The following RBFOX1 variants were observed in gnomAD, a reference collection of about 807,000 sequenced individuals.
RBFOX1 encodes RNA binding fox-1 homolog 1.
In RBFOX1, 8 loss-of-function variants were observed where a neutral mutation model predicts 57.7. The observed-to-expected ratio is 0.14, with a 90% CI of 0.08 to 0.25. The LOEUF (loss-of-function observed/expected upper bound fraction) is 0.25. RBFOX1 is among the 10% of genes least tolerant of loss of function. The pLI, the probability that RBFOX1 is intolerant of heterozygous loss-of-function variation, is 1.00. For missense variants in RBFOX1, 611 were observed against 548.5 expected (o/e 1.11, Z -1.14); for synonymous variants, 326 against 222.4 (o/e 1.47, Z -4.15).
At chr16:6,193,961 A>G (rs1003417208) in intron 1 of RBFOX1, among the ~76,000 whole-genome samples, 1 of 152,002 alleles carries the variant, frequency 6.6e-6, no homozygotes, top group African/African-American at 2.4e-5. Context: ...TTGGCTTTCC[A>G]TTGTGTTTTC....
At position 5,883,585 on chromosome 16, in the gene RBFOX1, C is replaced by G. The variant is rs74004675; in HGVS notation, c.351+16250C>G. On this transcript the variant is annotated intron_variant, in intron 4 of 19. Transcript: ENST00000641259. Reference sequence around the variant, plus strand: ...GAGTGAGGAATTTGAACACACATGTCTCTCTGCTTTTGGATTTTGAAGGCT... The same window carrying G: ...GAGTGAGGAATTTGAACACACATGTGTCTCTGCTTTTGGATTTTGAAGGCT... 6.5e-3 allele frequency among the ~76,000 whole-genome samples: 984 copies of G among 152,228 alleles called. 18 individuals carry two copies. Among genetic ancestry groups the G allele is most frequent in the African/African-American group, 0.023 (938 of 41,534 alleles).
chr16:6,223,060 A>G (rs1356724072), intron 1 of RBFOX1, among the ~76,000 whole-genome samples: 37 of 149,486 alleles, frequency 2.5e-4, no homozygotes, highest in African/African-American at 7.8e-4. Flanking sequence ...ATAGTATTCC[A>G]TGGTGTATAT....
chr16:7,003,694 C>G (rs539591825), intron 3 of RBFOX1, among the ~76,000 whole-genome samples: 2 of 152,018 alleles, frequency 1.3e-5, no homozygotes, highest in African/African-American at 4.8e-5. Flanking sequence ...TTAGTTGATG[C>G]TGTAATTATT....
chr16:5,273,333 T>C (rs574611969), intron 1 of RBFOX1, among the ~76,000 whole-genome samples: 80 of 152,180 alleles, frequency 5.3e-4, no homozygotes, highest in Admixed American at 1.7e-3. Flanking sequence ...GCACCTACTA[T>C]GTGTCAGTCT....
At chr16:7,067,617 G>A (rs2056393213) in intron 4 of RBFOX1, among the ~76,000 whole-genome samples, 1 of 151,800 alleles carries the variant, frequency 6.6e-6, no homozygotes, top group South Asian at 2.1e-4. Flanking sequence ...CATGTGCCAT[G>A]TTGGTGTGGT....
chr16:7,115,089 A>G (rs1398755858), intron 4 of RBFOX1, among the ~76,000 whole-genome samples: 3 of 152,212 alleles, frequency 2.0e-5, no homozygotes, highest in African/African-American at 7.2e-5. Context: ...GCCTTTGCTT[A>G]AAAATAATGT....
At chr16:7,547,019 C>A (rs1353145968) in intron 5 of RBFOX1, among the ~76,000 whole-genome samples, 5 of 151,912 alleles carry the variant, frequency 3.3e-5, no homozygotes, top group African/African-American at 4.8e-5. Context: ...ATTTAAACTC[C>A]CACCAAGACT....
chr16:5,561,555 T>C (rs539136975), intron 2 of RBFOX1, among the ~76,000 whole-genome samples: 97 of 152,284 alleles, frequency 6.4e-4, no homozygotes, highest in Non-Finnish European at 1.1e-3. Context: ...TATGCAAAAG[T>C]CAGGCCCTAT....
At chr16:5,586,816 C>T (rs993597165) in intron 2 of RBFOX1, among the ~76,000 whole-genome samples, 2 of 152,180 alleles carry the variant, frequency 1.3e-5, no homozygotes, top group Admixed American at 6.5e-5. Flanking sequence ...CCCAGTTTTA[C>T]AGATAAGGAG....
intron 2 of RBFOX1, among the ~76,000 whole-genome samples, chr16:5,500,193 C>CTTCATTCCAT (rs2043142955): frequency 2.2e-5 from 2 of 91,378 alleles, no homozygotes; most frequent in African/African-American, 2.6e-4. Flanking sequence ...CCCTCCCTCC[C>CTTCATTCCAT]TTCATTCCAT....
At chr16:7,047,537 GTTGATT>G (rs1199383260) in intron 3 of RBFOX1, among the ~76,000 whole-genome samples, 5 of 151,370 alleles carry the variant, frequency 3.3e-5, no homozygotes, top group Non-Finnish European at 7.4e-5. Context: ...TGTGGATTTC[GTTGATT>G]TTAACTCTTT....
At chr16:6,701,125 C>CTG (rs1333880329) in intron 3 of RBFOX1, among the ~76,000 whole-genome samples, 13 of 137,932 alleles carry the variant, frequency 9.4e-5, no homozygotes, top group African/African-American at 3.4e-4. Flanking sequence ...ATCAGTGTCT[C>CTG]TGTGTGTGTA....
intron 4 of RBFOX1, among the ~76,000 whole-genome samples, chr16:7,120,860 T>TACACACACACACACACACACAC (rs1567337325): frequency 5.9e-4 from 73 of 124,606 alleles, no homozygotes; most frequent in Admixed American, 2.9e-3. Flanking sequence ...CACACACACA[T>TACACACACACACACACACACAC]ACGTAAACAT....
At chr16:7,700,154 C>T (rs1050071818) in intron 14 of RBFOX1, among the ~76,000 whole-genome samples, 1 of 152,030 alleles carries the variant, frequency 6.6e-6, no homozygotes, top group Admixed American at 6.6e-5. Context: ...CAATCCAATT[C>T]AGGGGTAGCT....
intron 3 of RBFOX1, among the ~76,000 whole-genome samples, chr16:5,864,276 G>A (rs968303607): frequency 2.6e-5 from 4 of 152,162 alleles, no homozygotes; most frequent in Admixed American, 2.0e-4. Context: ...TCTTGTTAAC[G>A]CTAAAGTGGT....
At chr16:7,094,927 G>T (rs2061458687) in intron 4 of RBFOX1, among the ~76,000 whole-genome samples, 1 of 151,982 alleles carries the variant, frequency 6.6e-6, no homozygotes. Context: ...AATACCTGTA[G>T]AACAAATATT....
intron 3 of RBFOX1, among the ~76,000 whole-genome samples, chr16:6,880,711 T>C (rs537338052): frequency 6.6e-5 from 10 of 152,212 alleles, no homozygotes; most frequent in African/African-American, 1.9e-4. Flanking sequence ...CAGAGTCAGT[T>C]TGACTTCTTG....
chr16:5,949,088 A>G (rs545846259), intron 4 of RBFOX1, among the ~76,000 whole-genome samples: 7 of 152,112 alleles, frequency 4.6e-5, no homozygotes, highest in Non-Finnish European at 8.8e-5. Flanking sequence ...CATGAATGAC[A>G]TGTCCTCCCC....
chr16:5,685,303 C>T (rs1330659752), intron 3 of RBFOX1, among the ~76,000 whole-genome samples: 4 of 152,166 alleles, frequency 2.6e-5, no homozygotes, highest in East Asian at 1.9e-4. Context: ...TAAGTTTATA[C>T]CTCTCCCACC....
Sources: gnomAD v4.1 joint callset for allele counts (sites outside exome capture counted in the v4.1 genomes callset) on GRCh38, gnomAD v4.1.1 for gene constraint, MANE v1.5 for transcripts, NCBI Gene and HGNC (gene_info 2026-07-23, HGNC 2026-07-21) for gene names.